The following CEP128 variants were observed in gnomAD, a reference collection of about 807,000 sequenced individuals.
CEP128 encodes centrosomal protein 128.
In CEP128, 132 loss-of-function variants were observed where a neutral mutation model predicts 156.7. That is an observed-to-expected ratio of 0.84 (90% confidence interval 0.73 to 0.97). The LOEUF is 0.97. Ranked by LOEUF, CEP128 falls within the 50% of genes least tolerant of loss-of-function variation. The pLI is 0.00. For missense variants in CEP128, 1,252 were observed against 1,281.9 expected, an observed-to-expected ratio of 0.98 and a Z score of 0.36; for synonymous variants, 469 against 448.9, an observed-to-expected ratio of 1.04 and a Z score of -0.57.
chr14:80,794,421 C>T (rs1446141269), intron 13 of CEP128, among the ~76,000 whole-genome samples: 4 of 152,162 alleles, frequency 2.6e-5, no homozygotes, highest in African/African-American at 9.7e-5. Context: ...GAAGATGTCT[C>T]ATCCACCCAA....
At chr14:80,813,834 C>A (rs1288225208) in intron 13 of CEP128, among the ~76,000 whole-genome samples, 2 of 152,136 alleles carry the variant, frequency 1.3e-5, no homozygotes, top group Non-Finnish European at 2.9e-5. Context: ...TATTGAACTT[C>A]ATTAACTGCT....
chr14:80,743,086 C>A lies in CEP128; in HGVS notation c.2795G>T (p.Arg932Leu). The A allele has an allele frequency of 6.2e-7, 1 of 1,613,056 alleles. No individual in the cohort carries two copies. Among genetic ancestry groups the A allele is most frequent in the Non-Finnish European group, 8.5e-7 (1 of 1,179,352 alleles). The change falls in exon 19 of 25, where the codon CGT (arginine) becomes CTT (leucine). Residue 932 changes from arginine (R) to leucine (L), a missense_variant. Transcript: ENST00000555265. ...CAACTAACACACACCTCTCTTCTCA[C>A]GATGTATTTCATCCAGAAGCTGCTC... ...RQEQLLDEIH[R>L]EKRDLLEETQ...
At chr14:80,773,383 T>C (rs1055963959) in intron 16 of CEP128, among the ~76,000 whole-genome samples, 1 of 152,004 alleles carries the variant, frequency 6.6e-6, no homozygotes, top group African/African-American at 2.4e-5. Flanking sequence ...AAAACAGCAT[T>C]TATAAAACAT....
At chr14:80,802,355 C>A (rs1439600269) in intron 13 of CEP128, among the ~76,000 whole-genome samples, 1 of 152,034 alleles carries the variant, frequency 6.6e-6, no homozygotes, top group East Asian at 1.9e-4. Flanking sequence ...TACTATGCAG[C>A]CATAAAAAGG....
At position 80,785,276 on chromosome 14, in the gene CEP128, A is replaced by C. The variant is rs1399947641; in HGVS notation, c.1830T>G (p.Ala610=). 1.2e-6 allele frequency: 2 copies of C among 1,613,940 alleles called. No homozygotes were observed. Among genetic ancestry groups the C allele is most frequent in the Admixed American group, 1.7e-5 (1 of 59,984 alleles). ...GCTCTGCAATTTCTTCCTCCAAGTG[A>C]GCTTTCTCAACTTTCATCTGGCTTT... ...KIQSQMKVEK[A]HLEEEIAELK... The change falls in exon 15 of 25, where the codon GCT becomes GCG. Residue 610 remains alanine (A), a synonymous_variant. Coordinates refer to ENST00000555265, the MANE Select transcript of CEP128 (RefSeq NM_152446.5).
chr14:80,529,047 T>C (rs1889106909), intron 22 of CEP128, among the ~76,000 whole-genome samples: 1 of 152,240 alleles, frequency 6.6e-6, no homozygotes, highest in African/African-American at 2.4e-5. Context: ...GCGAAGCAGA[T>C]GGGCTCTGCT....
chr14:80,530,753 G>T, intron 22 of CEP128, 56 bp downstream of exon 22: 1 of 1,254,080 alleles, frequency 8.0e-7, no homozygotes, highest in Non-Finnish European at 1.1e-6. Flanking sequence ...TCAGGAAGAT[G>T]TCAAGTGTTC....
chr14:80,576,221 G>A (rs888167114), intron 20 of CEP128, among the ~76,000 whole-genome samples: 2 of 152,086 alleles, frequency 1.3e-5, no homozygotes, highest in African/African-American at 4.8e-5. Flanking sequence ...CTAAATTGAG[G>A]AAAAATGGAT....
At chr14:80,684,452 G>C (rs1896446618) in intron 19 of CEP128, among the ~76,000 whole-genome samples, 1 of 151,900 alleles carries the variant, frequency 6.6e-6, no homozygotes, top group South Asian at 2.1e-4. Context: ...AATCAGTAAT[G>C]AAAAATCTAC....
chr14:80,679,430 C>A (rs1896222355), intron 19 of CEP128, among the ~76,000 whole-genome samples: 1 of 152,140 alleles, frequency 6.6e-6, no homozygotes, highest in Non-Finnish European at 1.5e-5. Context: ...GGTCTATAAA[C>A]AGCTGCTCTG....
chr14:80,512,947 G>A (rs371761740), intron 23 of CEP128, among the ~76,000 whole-genome samples: 33 of 151,878 alleles, frequency 2.2e-4, no homozygotes, highest in African/African-American at 8.0e-4. Flanking sequence ...AGATGTATTT[G>A]TTTTTATTTT....
At chr14:80,611,524 T>C (rs947271096) in intron 19 of CEP128, among the ~76,000 whole-genome samples, 3 of 152,052 alleles carry the variant, frequency 2.0e-5, no homozygotes, top group Non-Finnish European at 4.4e-5. Context: ...TTATGGCTAT[T>C]TGAAAGTAAA....
chr14:80,648,183 G>A (rs1894743670), intron 19 of CEP128, among the ~76,000 whole-genome samples: 1 of 151,890 alleles, frequency 6.6e-6, no homozygotes, highest in South Asian at 2.1e-4. Flanking sequence ...TCAGAACTTG[G>A]GTCTCTGAGT....
chr14:80,932,849 A>C (rs1033526479), intron 2 of CEP128, among the ~76,000 whole-genome samples: 10 of 152,166 alleles, frequency 6.6e-5, no homozygotes, highest in Non-Finnish European at 1.3e-4. Context: ...CTCTGGTGCC[A>C]AAAAGGTTGG....
intron 18 of CEP128, among the ~76,000 whole-genome samples, chr14:80,750,634 A>G (rs1295722563): frequency 6.6e-6 from 1 of 152,148 alleles, no homozygotes; most frequent in Non-Finnish European, 1.5e-5. Flanking sequence ...CACCTACTCC[A>G]TCCCAGTCTT....
At chr14:80,845,009 A>G (rs1235658596) in intron 9 of CEP128, among the ~76,000 whole-genome samples, 2 of 152,142 alleles carry the variant, frequency 1.3e-5, no homozygotes, top group Non-Finnish European at 2.9e-5. Flanking sequence ...CGTGGACACA[A>G]TCTTTACCCT....
In CEP128 at chr14:80,712,765, T is replaced by C. The variant is rs555388270; in HGVS notation, c.2806+30310A>G. ...CATCTCAAAGTTCTGCCAATAAGCC[T>C]ATCTCTTTCAGAAACACATCAGCTA... On this transcript the variant is annotated intron_variant, in intron 19 of 24. Coordinates refer to ENST00000555265, the MANE Select transcript of CEP128 (RefSeq NM_152446.5). Among the ~76,000 whole-genome samples, 4 of 152,264 alleles carry C rather than the reference T, an allele frequency of 2.6e-5. No homozygotes were observed. The South Asian group carries it at 8.3e-4, about 32-fold the overall frequency.
intron 23 of CEP128, among the ~76,000 whole-genome samples, chr14:80,520,001 C>T (rs1234806656): frequency 2.6e-5 from 4 of 152,176 alleles, no homozygotes; most frequent in African/African-American, 7.2e-5. Context: ...TCTCTAAGTC[C>T]TCTCAGCACT....
At chr14:80,753,760 G>A (rs533660154) in intron 18 of CEP128, among the ~76,000 whole-genome samples, 10 of 152,116 alleles carry the variant, frequency 6.6e-5, no homozygotes, top group Non-Finnish European at 8.8e-5. Flanking sequence ...ATACTGCCAC[G>A]AATTTGCCTA....
Sources: gnomAD v4.1 joint callset for allele counts (sites outside exome capture counted in the v4.1 genomes callset) on GRCh38, gnomAD v4.1.1 for gene constraint, MANE v1.5 for transcripts, NCBI Gene and HGNC (gene_info 2026-07-23, HGNC 2026-07-21) for gene names.